The following RORA variants were observed in gnomAD, a reference collection of about 807,000 sequenced individuals.
RORA encodes the protein RAR related orphan receptor A, also known as nuclear receptor ROR-alpha.
Under a neutral mutation model 69.5 loss-of-function variants are expected in RORA, and 7 were observed. That is an observed-to-expected ratio of 0.10 (90% CI 0.06 to 0.19). The LOEUF (loss-of-function observed/expected upper bound fraction) is 0.19. Among genes scored for constraint, RORA ranks in the 10% least tolerant of loss-of-function variants. The pLI, the probability that RORA is intolerant of heterozygous loss-of-function variation, is 1.00. For synonymous variants in RORA, 261 were observed against 240.8 expected (o/e 1.08, Z -0.78); for missense variants, 457 against 663.0 (o/e 0.69, Z 3.41).
intron 2 of RORA, among the ~76,000 whole-genome samples, chr15:60,591,234 C>T (rs544404192): frequency 6.6e-6 from 1 of 152,156 alleles, no homozygotes; most frequent in Non-Finnish European, 1.5e-5. Flanking sequence ...GCCTGGCGGC[C>T]GGGCCTGCGA....
At chr15:61,067,994 T>C (rs2078288847) in intron 1 of RORA, among the ~76,000 whole-genome samples, 1 of 152,214 alleles carries the variant, frequency 6.6e-6, no homozygotes, top group Non-Finnish European at 1.5e-5. Flanking sequence ...TGGTCTTTGA[T>C]TCCAGCATCC....
intron 1 of RORA, among the ~76,000 whole-genome samples, chr15:60,984,795 A>G (rs1894148028): frequency 8.3e-6 from 1 of 119,786 alleles, no homozygotes; most frequent in South Asian, 2.8e-4. Flanking sequence ...CTTGGACTAC[A>G]TATGTCTTTT....
chr15:60,850,612 A>G (rs1240894732), intron 1 of RORA, among the ~76,000 whole-genome samples: 1 of 152,186 alleles, frequency 6.6e-6, no homozygotes, highest in Non-Finnish European at 1.5e-5. Context: ...TCATGTGCAC[A>G]TTGATGGTGA....
intron 2 of RORA, among the ~76,000 whole-genome samples, chr15:60,583,873 G>C (rs915687174): frequency 1.3e-5 from 2 of 152,154 alleles, no homozygotes; most frequent in African/African-American, 4.8e-5. Flanking sequence ...AAGAGGAAAG[G>C]GTTAGCCCCG....
At chr15:60,910,523 G>A (rs1330895549) in intron 1 of RORA, among the ~76,000 whole-genome samples, 2 of 152,152 alleles carry the variant, frequency 1.3e-5, no homozygotes, top group African/African-American at 4.8e-5. Flanking sequence ...GTTATTCTCT[G>A]CAGTATGTGG....
chr15:60,704,720 T>C (rs2071035942), intron 1 of RORA, among the ~76,000 whole-genome samples: 2 of 152,208 alleles, frequency 1.3e-5, no homozygotes. Context: ...GGACGGGCAC[T>C]GATTCACAGA....
At chr15:60,862,088 A>G (rs2073440092) in intron 1 of RORA, among the ~76,000 whole-genome samples, 1 of 152,240 alleles carries the variant, frequency 6.6e-6, no homozygotes, top group African/African-American at 2.4e-5. Context: ...TAAGGCAACT[A>G]GTTCAGGGTG....
intron 2 of RORA, among the ~76,000 whole-genome samples, chr15:60,626,109 G>T (rs542412019): frequency 6.6e-6 from 1 of 152,180 alleles, no homozygotes; most frequent in East Asian, 1.9e-4. Context: ...GTTAGCTCAC[G>T]ACTATTTCCC....
At chr15:60,979,461 A>G (rs1893974842) in intron 1 of RORA, among the ~76,000 whole-genome samples, 1 of 152,022 alleles carries the variant, frequency 6.6e-6, no homozygotes, top group Non-Finnish European at 1.5e-5. Context: ...CTATTTTAAT[A>G]ATATTAAGTC....
intron 1 of RORA, among the ~76,000 whole-genome samples, chr15:61,115,023 G>A (rs1596000948): frequency 6.6e-6 from 1 of 152,168 alleles, no homozygotes; most frequent in Admixed American, 6.5e-5. Context: ...TTATGTGAAA[G>A]ATAGAGCAGA....
chr15:60,823,349 G>A (rs113631922), intron 1 of RORA, among the ~76,000 whole-genome samples: 1 of 152,040 alleles, frequency 6.6e-6, no homozygotes. Flanking sequence ...GCCACCACAG[G>A]CTTTCCCTGT....
chr15:60,627,245 CT>C, intron 2 of RORA: 1 of 1,614,176 alleles, frequency 6.2e-7, no homozygotes, highest in Non-Finnish European at 8.5e-7. Context: ...TACCTTCTGG[CT>C]CCTTCACCTG....
chr15:60,576,737 G>T (rs1435584616), intron 2 of RORA, among the ~76,000 whole-genome samples: 1 of 152,216 alleles, frequency 6.6e-6, no homozygotes, highest in Non-Finnish European at 1.5e-5. Context: ...AATGGTGTAT[G>T]TGTTAAGGTG....
chr15:60,519,074 T>A (rs2066065526), intron 3 of RORA, among the ~76,000 whole-genome samples: 1 of 152,214 alleles, frequency 6.6e-6, no homozygotes, highest in Non-Finnish European at 1.5e-5. Flanking sequence ...AATTTATAAG[T>A]TCAACTTTAT....
chr15:60,700,838 TCACA>T (rs934546109), intron 1 of RORA, among the ~76,000 whole-genome samples: 4 of 152,196 alleles, frequency 2.6e-5, no homozygotes, highest in Non-Finnish European at 5.9e-5. Context: ...CACTTTGCCA[TCACA>T]CCCAGAGTAT....
intron 1 of RORA, among the ~76,000 whole-genome samples, chr15:60,812,210 A>C (rs1322821940): frequency 6.6e-6 from 1 of 152,210 alleles, no homozygotes; most frequent in African/African-American, 2.4e-5. Flanking sequence ...TTTATTGTGA[A>C]AATTAAATGA....
chr15:60,698,744 G>A (rs1042694597), intron 1 of RORA, among the ~76,000 whole-genome samples: 1 of 150,380 alleles, frequency 6.6e-6, no homozygotes, highest in African/African-American at 2.5e-5. Flanking sequence ...TCCTAGATTA[G>A]TGTACACCTG....
intron 1 of RORA, among the ~76,000 whole-genome samples, chr15:61,020,812 G>A (rs912093426): frequency 6.6e-5 from 10 of 152,130 alleles, no homozygotes; most frequent in African/African-American, 2.4e-4. Flanking sequence ...ATAATTTCCT[G>A]AGGACATTTT....
chr15:60,924,161 C>T (rs2140492427), intron 1 of RORA, among the ~76,000 whole-genome samples: 1 of 152,116 alleles, frequency 6.6e-6, no homozygotes, highest in Non-Finnish European at 1.5e-5. Flanking sequence ...TGACTTTCAG[C>T]TTGTTGACAA....
Sources: allele counts gnomAD v4.1 joint callset (sites outside exome capture counted in the v4.1 genomes callset), GRCh38; gene constraint gnomAD v4.1.1; transcripts MANE v1.5; gene names NCBI Gene and HGNC (gene_info 2026-07-23, HGNC 2026-07-21).